The following BBX variants were observed in gnomAD, a reference collection of about 807,000 sequenced individuals.
BBX encodes the protein BBX high mobility group box domain containing, also known as HMG box transcription factor BBX.
Under a neutral mutation model 100.2 loss-of-function variants are expected in BBX, and 30 were observed. The ratio of observed to expected loss-of-function variants is 0.30; its 90% CI spans 0.22 to 0.41. BBX has a LOEUF of 0.41. BBX is among the 10% of genes least tolerant of loss of function. The pLI, the probability that BBX is intolerant of heterozygous loss-of-function variation, is 1.00. For missense variants in BBX, 1,023 were observed against 1,129.8 expected (o/e 0.91, Z 1.35); for synonymous variants, 376 against 388.1 (o/e 0.97, Z 0.37).
chr3:107,747,228 AGTGTGTGT>A (rs148845246), intron 8 of BBX, among the ~76,000 whole-genome samples: 3 of 148,116 alleles, frequency 2.0e-5, no homozygotes, highest in African/African-American at 7.5e-5. Flanking sequence ...CTAACGTGTG[AGTGTGTGT>A]GTGTGTGTGT....
intron 2 of BBX, among the ~76,000 whole-genome samples, chr3:107,558,906 C>T (rs1439831192): frequency 9.9e-5 from 15 of 151,920 alleles, no homozygotes; most frequent in East Asian, 1.9e-4. Flanking sequence ...TGCTTCTGAC[C>T]GGGGGGAAAA....
At chr3:107,765,992 A>T (rs996528953) in intron 10 of BBX, among the ~76,000 whole-genome samples, 1 of 89,726 alleles carries the variant, frequency 1.1e-5, no homozygotes, top group African/African-American at 3.5e-5. Context: ...AATGATTTTC[A>T]TATTAGTAGA....
At chr3:107,777,062 T>G (rs926237996) in intron 12 of BBX, among the ~76,000 whole-genome samples, 2 of 152,164 alleles carry the variant, frequency 1.3e-5, no homozygotes, top group Non-Finnish European at 2.9e-5. Flanking sequence ...AATAAACAAC[T>G]CATAAGTTTT....
At chr3:107,762,184 G>T (rs2065950351) in intron 10 of BBX, among the ~76,000 whole-genome samples, 1 of 152,150 alleles carries the variant, frequency 6.6e-6, no homozygotes, top group Admixed American at 6.6e-5. Context: ...CTAATTGACT[G>T]CCCTTAACCT....
intron 13 of BBX, among the ~76,000 whole-genome samples, chr3:107,783,129 C>T (rs1040378451): frequency 4.6e-5 from 7 of 152,022 alleles, no homozygotes; most frequent in Non-Finnish European, 8.8e-5. Context: ...ACAAAATACC[C>T]AACATATACA....
intron 2 of BBX, among the ~76,000 whole-genome samples, chr3:107,610,062 G>T (rs1478524730): frequency 2.0e-5 from 3 of 151,854 alleles, no homozygotes; most frequent in Non-Finnish European, 4.4e-5. Context: ...TGGTATGTTT[G>T]TTTGTATATG....
At chr3:107,791,214 C>G in intron 14 of BBX, 26 bp from the exon 15 acceptor site, 1 of 1,604,662 alleles carries the variant, frequency 6.2e-7, no homozygotes, top group South Asian at 1.1e-5. Flanking sequence ...TTTCACTTTT[C>G]TTTCCTTTTC....
chr3:107,586,950 T>C (rs1312752056), intron 2 of BBX, among the ~76,000 whole-genome samples: 3 of 151,894 alleles, frequency 2.0e-5, no homozygotes, highest in African/African-American at 7.3e-5. Flanking sequence ...GGGGTTTCAC[T>C]GTGCTGGCCA....
At chr3:107,544,096 G>A (rs984859743) in intron 2 of BBX, among the ~76,000 whole-genome samples, 2 of 152,144 alleles carry the variant, frequency 1.3e-5, no homozygotes, top group Non-Finnish European at 2.9e-5. Context: ...GCAGTTCAGG[G>A]AGGAAACTTC....
At chr3:107,623,079 G>GGAAT (rs2055899960) in intron 2 of BBX, among the ~76,000 whole-genome samples, 1 of 152,176 alleles carries the variant, frequency 6.6e-6, no homozygotes, top group South Asian at 2.1e-4. Flanking sequence ...ATAACTTGAA[G>GGAAT]GAATCACTTC....
chr3:107,739,206 T>C (rs1454536996), intron 7 of BBX, among the ~76,000 whole-genome samples: 1 of 152,232 alleles, frequency 6.6e-6, no homozygotes, highest in Non-Finnish European at 1.5e-5. Flanking sequence ...TTTGAATTAA[T>C]TAGATATGTG....
chr3:107,793,381 C>T (rs2069258627), intron 15 of BBX, among the ~76,000 whole-genome samples: 1 of 151,988 alleles, frequency 6.6e-6, no homozygotes, highest in Non-Finnish European at 1.5e-5. Flanking sequence ...AAATGCATGT[C>T]CATTGTTTAG....
chr3:107,753,676 A>C (rs2065250375), intron 9 of BBX, among the ~76,000 whole-genome samples: 1 of 152,184 alleles, frequency 6.6e-6, no homozygotes, highest in Admixed American at 6.5e-5. Context: ...ACGGGGAACA[A>C]AAACCTGCAG....
intron 3 of BBX, among the ~76,000 whole-genome samples, chr3:107,649,445 A>G (rs939871728): frequency 6.6e-6 from 1 of 152,198 alleles, no homozygotes; most frequent in Non-Finnish European, 1.5e-5. Flanking sequence ...TTCTCATTGT[A>G]GTATAGGGCT....
intron 2 of BBX, among the ~76,000 whole-genome samples, chr3:107,543,425 T>G (rs1156307338): frequency 6.6e-6 from 1 of 152,188 alleles, no homozygotes; most frequent in East Asian, 1.9e-4. Flanking sequence ...TTTTTATTGT[T>G]TATAAATGGT....
At chr3:107,640,864 G>A (rs2057153161) in intron 2 of BBX, among the ~76,000 whole-genome samples, 1 of 152,066 alleles carries the variant, frequency 6.6e-6, no homozygotes, top group Non-Finnish European at 1.5e-5. Context: ...GTTTCTCCAT[G>A]TTGGCCAGGC....
intron 17 of BBX, among the ~76,000 whole-genome samples, chr3:107,802,318 C>G (rs2070585481): frequency 6.6e-6 from 1 of 152,218 alleles, no homozygotes; most frequent in South Asian, 2.1e-4. Context: ...TGTCATATTA[C>G]AGTTTGAGTA....
intron 3 of BBX, among the ~76,000 whole-genome samples, chr3:107,656,034 A>G (rs557143708): frequency 1.3e-5 from 2 of 152,264 alleles, no homozygotes; most frequent in East Asian, 1.9e-4. Flanking sequence ...CACACTGATA[A>G]CTATATAAAT....
intron 2 of BBX, among the ~76,000 whole-genome samples, chr3:107,642,360 T>C (rs2057264989): frequency 6.6e-6 from 1 of 152,150 alleles, no homozygotes; most frequent in Admixed American, 6.5e-5. Context: ...AAGATAAGAA[T>C]TGTATCCATG....
Sources: gnomAD v4.1 joint callset for allele counts (sites outside exome capture counted in the v4.1 genomes callset) on GRCh38, gnomAD v4.1.1 for gene constraint, MANE v1.5 for transcripts, NCBI Gene and HGNC (gene_info 2026-07-23, HGNC 2026-07-21) for gene names.